Variants in DENND1A observed in about 807,000 individuals in gnomAD.
DENND1A encodes DENN domain-containing protein 1A.
In DENND1A, 51 loss-of-function variants were observed where a neutral mutation model predicts 113.7. That is an observed-to-expected ratio of 0.45 (90% CI 0.36 to 0.57). The LOEUF (loss-of-function observed/expected upper bound fraction) is 0.57, where lower values mean the gene tolerates loss of function less well. Among genes scored for constraint, DENND1A ranks in the 20% least tolerant of loss-of-function variants. The pLI, the probability that DENND1A is intolerant of heterozygous loss-of-function variation, is 0.00. For synonymous variants in DENND1A, 565 were observed against 570.8 expected (o/e 0.99, Z 0.14); for missense variants, 1,258 against 1,395.9 (o/e 0.90, Z 1.57).
At chr9:123,676,870 A>G (rs2064110828) in intron 5 of DENND1A, 81 bp from the exon 6 acceptor site, 1 of 1,341,818 alleles carries the variant, frequency 7.5e-7, no homozygotes, top group Non-Finnish European at 1.1e-6. Flanking sequence ...AGACTGATAC[A>G]TTTCAGTTTT....
intron 5 of DENND1A, among the ~76,000 whole-genome samples, chr9:123,680,244 G>A (rs2064356322): frequency 6.6e-6 from 1 of 152,202 alleles, no homozygotes; most frequent in South Asian, 2.1e-4. Flanking sequence ...CACCCACTGT[G>A]GCTCAGGTAA....
intron 2 of DENND1A, among the ~76,000 whole-genome samples, chr9:123,806,599 T>C (rs1249234969): frequency 1.3e-5 from 2 of 152,094 alleles, no homozygotes; most frequent in Non-Finnish European, 2.9e-5. Flanking sequence ...ATGTTCAGAG[T>C]AACTTGTGAC....
At chr9:123,632,754 T>C (rs1193287904) in intron 9 of DENND1A, among the ~76,000 whole-genome samples, 1 of 152,182 alleles carries the variant, frequency 6.6e-6, no homozygotes. Flanking sequence ...GATAGAGTCA[T>C]GTACTCCTTT....
chr9:123,618,404 C>G (rs1283822951), intron 10 of DENND1A, among the ~76,000 whole-genome samples: 3 of 152,232 alleles, frequency 2.0e-5, no homozygotes, highest in African/African-American at 7.2e-5. Context: ...GAATGTGTCA[C>G]TCACGTACAG....
chr9:123,467,893 GCAGAGGTTCTGGGCTGTCCACC>G (rs1027135751), intron 13 of DENND1A, among the ~76,000 whole-genome samples: 15 of 152,116 alleles, frequency 9.9e-5, no homozygotes, highest in Non-Finnish European at 1.8e-4. Flanking sequence ...ATCTCCTCCT[GCAGAGGTTCTGGGCTGTCCACC>G]ACACCCTGAG....
At chr9:123,663,577 A>G (rs2063350081) in intron 8 of DENND1A, among the ~76,000 whole-genome samples, 1 of 151,598 alleles carries the variant, frequency 6.6e-6, no homozygotes, top group South Asian at 2.1e-4. Flanking sequence ...TACACATAAC[A>G]CTAAATTCCT....
chr9:123,551,457 T>C (rs974900280), intron 13 of DENND1A, among the ~76,000 whole-genome samples: 5 of 152,156 alleles, frequency 3.3e-5, no homozygotes, highest in Non-Finnish European at 7.4e-5. Context: ...ATGTGGAAAC[T>C]AGAACAAAGA....
chr9:123,392,443 C>A (rs1393504276), intron 21 of DENND1A, among the ~76,000 whole-genome samples: 2 of 152,170 alleles, frequency 1.3e-5, no homozygotes, highest in Admixed American at 1.3e-4. Context: ...TTCACTCAGG[C>A]ACAAAGGATC....
chr9:123,738,886 A>G (rs138754800), intron 5 of DENND1A, among the ~76,000 whole-genome samples: 2 of 152,334 alleles, frequency 1.3e-5, no homozygotes, highest in African/African-American at 4.8e-5. Flanking sequence ...AAAAGTAAAT[A>G]CTATGGAAAA....
intron 2 of DENND1A, among the ~76,000 whole-genome samples, chr9:123,842,268 T>C (rs1841942554): frequency 6.6e-6 from 1 of 152,126 alleles, no homozygotes; most frequent in African/African-American, 2.4e-5. Flanking sequence ...ATTCCTCCAA[T>C]GAGGCAAGAG....
intron 5 of DENND1A, among the ~76,000 whole-genome samples, chr9:123,689,836 T>A (rs1409528349): frequency 1.3e-5 from 2 of 151,744 alleles, no homozygotes; most frequent in African/African-American, 4.8e-5. Flanking sequence ...CTGGGTGTGG[T>A]GGCGCCTGCC....
intron 19 of DENND1A, among the ~76,000 whole-genome samples, chr9:123,428,514 C>T (rs1202617611): frequency 6.6e-6 from 1 of 152,170 alleles, no homozygotes; most frequent in Non-Finnish European, 1.5e-5. Context: ...CCCTCTCTCA[C>T]CACTCCTATT....
At chr9:123,421,340 G>A (rs567122195) in intron 19 of DENND1A, among the ~76,000 whole-genome samples, 16 of 152,028 alleles carry the variant, frequency 1.1e-4, no homozygotes, top group African/African-American at 2.2e-4. Context: ...GACAGCTAAC[G>A]GGTGGCAGAG....
At chr9:123,794,230 C>T (rs985996066) in intron 2 of DENND1A, among the ~76,000 whole-genome samples, 2 of 152,152 alleles carry the variant, frequency 1.3e-5, no homozygotes, top group Non-Finnish European at 2.9e-5. Flanking sequence ...AAAGGGGCAG[C>T]CTGTTGCCCA....
intron 21 of DENND1A, among the ~76,000 whole-genome samples, chr9:123,395,154 CA>C (rs1423645279): frequency 6.6e-6 from 1 of 152,152 alleles, no homozygotes; most frequent in East Asian, 1.9e-4. Flanking sequence ...CAAAGCCTTT[CA>C]GGGGTGACTG....
chr9:123,451,357 C>T (rs993501031), intron 17 of DENND1A, among the ~76,000 whole-genome samples: 10 of 152,160 alleles, frequency 6.6e-5, no homozygotes, highest in Non-Finnish European at 1.3e-4. Flanking sequence ...AAAACCACCC[C>T]GCTTCAGTGG....
chr9:123,747,232 T>G (rs1049126223), intron 5 of DENND1A, among the ~76,000 whole-genome samples: 1 of 152,124 alleles, frequency 6.6e-6, no homozygotes. Flanking sequence ...AATGTAAAAT[T>G]TTTCAAGTCA....
intron 2 of DENND1A, chr9:123,842,928 T>A (rs1842034452): frequency 3.6e-6 from 1 of 275,550 alleles, no homozygotes; most frequent in Admixed American, 5.0e-5. Flanking sequence ...AATGCAAGGT[T>A]GGGTGCCTGC....
chr9:123,771,723 C>T (rs1489284190), intron 3 of DENND1A, among the ~76,000 whole-genome samples: 2 of 152,130 alleles, frequency 1.3e-5, no homozygotes, highest in African/African-American at 4.8e-5. Flanking sequence ...TCTCTAATGT[C>T]AAGAGTAATA....
Sources: gnomAD v4.1 joint callset for allele counts (sites outside exome capture counted in the v4.1 genomes callset) on GRCh38, gnomAD v4.1.1 for gene constraint, MANE v1.5 for transcripts, NCBI Gene and HGNC (gene_info 2026-07-23, HGNC 2026-07-21) for gene names.